Variants in GRIK4 observed in about 807,000 individuals in gnomAD.
GRIK4 encodes glutamate ionotropic receptor kainate type subunit 4.
Under a neutral mutation model 104.9 loss-of-function variants are expected in GRIK4, and 40 were observed. That is an observed-to-expected ratio of 0.38 (90% CI 0.30 to 0.50). The LOEUF (loss-of-function observed/expected upper bound fraction) is 0.50, where lower values mean the gene tolerates loss of function less well. Ranked by LOEUF, GRIK4 falls within the 20% of genes least tolerant of loss-of-function variation. GRIK4 has a pLI of 0.93. For missense variants in GRIK4, 1,047 were observed against 1,308.1 expected (o/e 0.80, Z 3.08); for synonymous variants, 485 against 524.9 (o/e 0.92, Z 1.04).
chr11:120,564,823 C>T (rs907289759), intron 1 of GRIK4: 1 of 136,584 alleles, frequency 7.3e-6, no homozygotes, highest in Non-Finnish European at 1.8e-5. Context: ...CCGCGTGGGC[C>T]GGCGGGCAGT....
At chr11:120,748,598 C>T (rs992595145) in intron 3 of GRIK4, among the ~76,000 whole-genome samples, 8 of 152,046 alleles carry the variant, frequency 5.3e-5, no homozygotes, top group African/African-American at 1.7e-4. Flanking sequence ...AGGAATGAAA[C>T]GTGCCTGTGT....
chr11:120,761,328 C>T (rs1049542527), intron 3 of GRIK4, among the ~76,000 whole-genome samples: 1 of 151,950 alleles, frequency 6.6e-6, no homozygotes, highest in African/African-American at 2.4e-5. Context: ...GTTTAAGTTC[C>T]TTGTAGATTC....
At chr11:120,761,165 T>C (rs963917005) in intron 3 of GRIK4, among the ~76,000 whole-genome samples, 7 of 152,210 alleles carry the variant, frequency 4.6e-5, no homozygotes, top group Non-Finnish European at 1.0e-4. Flanking sequence ...TGGTATCTCA[T>C]TGTGGTTTTG....
intron 11 of GRIK4, among the ~76,000 whole-genome samples, chr11:120,884,842 G>A (rs528643185): frequency 2.8e-4 from 43 of 152,370 alleles, no homozygotes; most frequent in Non-Finnish European, 4.9e-4. Context: ...CCAGCTAGGG[G>A]CAGAGCCGGG....
intron 8 of GRIK4, among the ~76,000 whole-genome samples, chr11:120,857,824 G>A (rs1954152759): frequency 6.6e-6 from 1 of 152,306 alleles, no homozygotes; most frequent in Non-Finnish European, 1.5e-5. Context: ...CAAAAATGAG[G>A]CAGACATATC....
chr11:120,862,324 G>T (rs1262784434), intron 9 of GRIK4: 2 of 530,402 alleles, frequency 3.8e-6, no homozygotes, highest in Admixed American at 6.7e-5. Flanking sequence ...GCAGGGAGGG[G>T]GCTGTGTAGA....
intron 1 of GRIK4, among the ~76,000 whole-genome samples, chr11:120,560,771 C>T (rs539945711): frequency 2.0e-5 from 3 of 152,306 alleles, no homozygotes; most frequent in African/African-American, 7.2e-5. Flanking sequence ...TTTTAAATTG[C>T]TTAGCACAGT....
At chr11:120,659,974 C>T (rs928870015) in intron 2 of GRIK4, among the ~76,000 whole-genome samples, 6 of 152,176 alleles carry the variant, frequency 3.9e-5, no homozygotes, top group Non-Finnish European at 7.3e-5. Context: ...TCAAGTGATC[C>T]ACCCACTTTG....
rs1953329229 is a variant in GRIK4 at position 120,828,462 on chromosome 11, T to TG, written c.512-3387dup. On this transcript the variant is annotated intron_variant, in intron 6 of 20. Coordinates refer to ENST00000527524, the MANE Select transcript of GRIK4 (RefSeq NM_014619.5). ...GGGTAAAGGGTAGTTGGGGGGTGAG[T>TG]GGGAAACAAGGTTTGTTAAGCCCCT... is the stretch of plus-strand genomic sequence containing the variant. 2.0e-5 allele frequency among the ~76,000 whole-genome samples: 3 copies of TG among 151,542 alleles called. No individual in the cohort carries two copies. In the South Asian group the frequency reaches 6.3e-4, roughly 32 times the overall value.
chr11:120,705,114 A>G (rs1401874907), intron 3 of GRIK4, among the ~76,000 whole-genome samples: 1 of 152,148 alleles, frequency 6.6e-6, no homozygotes, highest in Non-Finnish European at 1.5e-5. Flanking sequence ...TAGTTTTGAA[A>G]TCAGGTACTG....
At chr11:120,839,575 A>G (rs761915505) in intron 8 of GRIK4, among the ~76,000 whole-genome samples, 1 of 152,230 alleles carries the variant, frequency 6.6e-6, no homozygotes, top group Non-Finnish European at 1.5e-5. Context: ...AATGAATGGA[A>G]GATGCTTATT....
In GRIK4 at chr11:120,524,196, A is replaced by G. The variant is rs1947832242; in HGVS notation, c.-159+12309A>G. Among the ~76,000 whole-genome samples the G allele has an allele frequency of 6.6e-6, 1 of 152,180 alleles. No homozygotes were observed. The highest frequency in any genetic ancestry group is 2.4e-5 in the African/African-American group (1 of 41,446). On this transcript the variant is annotated intron_variant, in intron 1 of 20. Coordinates refer to ENST00000527524, the MANE Select transcript of GRIK4 (RefSeq NM_014619.5). This position sits in a 1 kb window ranked among gnomAD's most constrained non-coding sequence, Gnocchi z 4.5. ...AGCCTTGACCTCCCAAAGTGCTGGG[A>G]TTAGCGGCGTGAGCCACCGCGTCTG... is the stretch of plus-strand genomic sequence containing the variant.
chr11:120,692,573 T>G (rs1950384414), intron 3 of GRIK4, among the ~76,000 whole-genome samples: 1 of 152,110 alleles, frequency 6.6e-6, no homozygotes, highest in Non-Finnish European at 1.5e-5. Flanking sequence ...GACACGTCCC[T>G]GGAGCTGAGT....
rs537330691 is a variant in GRIK4, at chr11:120,950,320, G to C, written c.1591-2535G>C. Among the ~76,000 whole-genome samples the C allele has an allele frequency of 1.3e-3, 196 of 152,314 alleles. 2 individuals carry two copies. Among genetic ancestry groups the C allele is most frequent in the African/African-American group, 4.6e-3 (193 of 41,562 alleles). The stretch of plus-strand genomic sequence containing the variant: ...GGTTTTTGTTCGTGTGATGTTCTCT[G>C]TTTTATAACTTTGGTCTCTAGGAAT... On this transcript the variant is annotated intron_variant, in intron 14 of 20. Transcript: ENST00000527524.
intron 3 of GRIK4, among the ~76,000 whole-genome samples, chr11:120,742,621 C>T (rs762256368): frequency 2.0e-5 from 3 of 151,704 alleles, no homozygotes; most frequent in Non-Finnish European, 4.4e-5. Context: ...ATAGCAGATG[C>T]TGTCGAGGTT....
At chr11:120,515,916 G>A (rs1242807059) in intron 1 of GRIK4, among the ~76,000 whole-genome samples, 3 of 152,150 alleles carry the variant, frequency 2.0e-5, no homozygotes, top group African/African-American at 7.2e-5. Flanking sequence ...CCAGCTACCC[G>A]GCGAGTTAGC....
At chr11:120,645,941 C>A (rs1949538273) in intron 1 of GRIK4, among the ~76,000 whole-genome samples, 1 of 152,310 alleles carries the variant, frequency 6.6e-6, no homozygotes, top group Non-Finnish European at 1.5e-5. Flanking sequence ...AATTCACTTG[C>A]ACCATTAACG....
chr11:120,857,474 A>T (rs1565396006), intron 8 of GRIK4, among the ~76,000 whole-genome samples: 1 of 149,040 alleles, frequency 6.7e-6, no homozygotes, highest in Non-Finnish European at 1.5e-5. Context: ...TTGTATACAC[A>T]AAGATTTGCA....
intron 13 of GRIK4, among the ~76,000 whole-genome samples, chr11:120,921,347 C>T (rs551763235): frequency 7.2e-4 from 110 of 152,278 alleles, no homozygotes; most frequent in African/African-American, 2.5e-3. Flanking sequence ...ACTCAGCCAC[C>T]AGGGGATGGG....
Sources: gnomAD v4.1 joint callset for allele counts (sites outside exome capture counted in the v4.1 genomes callset) on GRCh38, gnomAD v4.1.1 for gene constraint, Gnocchi (gnomAD v3.1) non-coding constraint, MANE v1.5 for transcripts, NCBI Gene and HGNC (gene_info 2026-07-23, HGNC 2026-07-21) for gene names.